The following CAMTA1 variants were observed in gnomAD, a reference collection of about 807,000 sequenced individuals.
CAMTA1 encodes calmodulin binding transcription activator 1.
A neutral mutation model predicts 170.9 loss-of-function variants in CAMTA1; 27 were observed. The observed-to-expected ratio is 0.16, with a 90% confidence interval of 0.12 to 0.22. CAMTA1 has a LOEUF of 0.22. Ranked by LOEUF, CAMTA1 falls within the 10% of genes least tolerant of loss-of-function variation. The pLI is 1.00. For missense variants in CAMTA1, 1,619 were observed against 2,217.2 expected (o/e 0.73, Z 5.42); for synonymous variants, 833 against 891.5 (o/e 0.93, Z 1.17).
chr1:7,156,710 C>T (rs1646907645), intron 4 of CAMTA1, among the ~76,000 whole-genome samples: 1 of 152,196 alleles, frequency 6.6e-6, no homozygotes, highest in Non-Finnish European at 1.5e-5. Context: ...TAACTTCTGT[C>T]CTTTTGACTG....
intron 11 of CAMTA1, among the ~76,000 whole-genome samples, chr1:7,728,935 C>T (rs1226732732): frequency 1.3e-5 from 2 of 152,142 alleles, no homozygotes; most frequent in African/African-American, 4.8e-5. Flanking sequence ...AGTTACCTCC[C>T]TGTGGGAAGT....
chr1:7,306,123 G>A (rs574355785), intron 5 of CAMTA1, among the ~76,000 whole-genome samples: 66 of 152,042 alleles, frequency 4.3e-4, no homozygotes, highest in Non-Finnish European at 2.8e-4. Flanking sequence ...TTACAATTTC[G>A]TTGAAGTCCT....
intron 6 of CAMTA1, among the ~76,000 whole-genome samples, chr1:7,631,587 C>T (rs546783133): frequency 1.3e-5 from 2 of 152,310 alleles, no homozygotes; most frequent in South Asian, 4.1e-4. Flanking sequence ...TGCTCCCACC[C>T]CTGAGTGGCC....
intron 3 of CAMTA1, among the ~76,000 whole-genome samples, chr1:6,953,394 T>C (rs1688853213): frequency 6.6e-6 from 1 of 152,236 alleles, no homozygotes; most frequent in South Asian, 2.1e-4. Flanking sequence ...GTCTTTGTTC[T>C]TTCTCGCCGC....
chr1:7,245,294 C>T (rs1162490273), intron 4 of CAMTA1, among the ~76,000 whole-genome samples: 2 of 150,032 alleles, frequency 1.3e-5, no homozygotes, highest in Non-Finnish European at 3.0e-5. Context: ...AATCTATAAG[C>T]CAATAGCATA....
At chr1:6,805,848 T>G (rs1405078582) in intron 1 of CAMTA1, among the ~76,000 whole-genome samples, 1 of 152,184 alleles carries the variant, frequency 6.6e-6, no homozygotes, top group Non-Finnish European at 1.5e-5. Flanking sequence ...AACAGAAGTT[T>G]TAAATTTGAT....
chr1:7,664,239 C>A lies in CAMTA1; in HGVS notation c.1692C>A (p.Ala564=). ...AVAASSLTLT[A]GSSLLPSGGG... is the part of the protein sequence containing the mutation. ...CAGCCAGCTCCCTCACCCTGACCGC[C>A]GGCTCCAGCCTCCTGCCGTCGGGCG... Residue 564 remains alanine (A), a synonymous_variant, in exon 9 of 23, where the codon GCC becomes GCA. Transcript: ENST00000303635. The A allele has an allele frequency of 1.2e-6, 2 of 1,612,670 alleles. No homozygotes were observed. The highest frequency in any genetic ancestry group is 1.7e-6 in the Non-Finnish European group (2 of 1,179,966).
At chr1:7,035,027 T>A (rs1176342201) in intron 3 of CAMTA1, among the ~76,000 whole-genome samples, 1 of 152,208 alleles carries the variant, frequency 6.6e-6, no homozygotes, top group Non-Finnish European at 1.5e-5. Context: ...ATACTTTAGA[T>A]TGCAGCAGAA....
Position 7,737,951 on chromosome 1 carries a change from C to A in CAMTA1, c.3659-8C>A. On this transcript the variant is annotated splice_region_variant and splice_polypyrimidine_tract_variant and intron_variant, in intron 15 of 22. Coordinates refer to ENST00000303635, the MANE Select transcript of CAMTA1 (RefSeq NM_015215.4). ...TGTCCTGACTATCCTTTCTACTGTA[C>A]TTTTCAGAGCTGAGAAGACCTCGTT... 1 of 1,591,446 alleles carries A rather than the reference C, an allele frequency of 6.3e-7. No individual in the cohort carries two copies. Among genetic ancestry groups the A allele is most frequent in the Non-Finnish European group, 8.6e-7 (1 of 1,166,262 alleles).
At chr1:7,584,063 G>T (rs751032927) in intron 6 of CAMTA1, among the ~76,000 whole-genome samples, 5 of 152,152 alleles carry the variant, frequency 3.3e-5, no homozygotes, top group Admixed American at 6.5e-5. Context: ...TTAGGGTGGG[G>T]ACTCTGCTAG....
At chr1:7,616,093 A>C (rs1178434876) in intron 6 of CAMTA1, among the ~76,000 whole-genome samples, 1 of 152,244 alleles carries the variant, frequency 6.6e-6, no homozygotes, top group East Asian at 1.9e-4. Context: ...AGCCAAATTT[A>C]ACTTGGATGA....
At chr1:7,110,207 G>GA (rs1359514999) in intron 4 of CAMTA1, among the ~76,000 whole-genome samples, 2 of 152,122 alleles carry the variant, frequency 1.3e-5, no homozygotes, top group Non-Finnish European at 2.9e-5. Flanking sequence ...CTGTTAACAA[G>GA]AAGCACAGCA....
chr1:7,364,435 T>A (rs1405487335), intron 5 of CAMTA1, among the ~76,000 whole-genome samples: 3 of 139,022 alleles, frequency 2.2e-5, no homozygotes, highest in Admixed American at 7.7e-5. Context: ...GCACACAGGT[T>A]CCCTTGTGAC....
intron 5 of CAMTA1, among the ~76,000 whole-genome samples, chr1:7,422,703 G>A (rs1158810953): frequency 6.6e-6 from 1 of 152,180 alleles, no homozygotes; most frequent in Admixed American, 6.5e-5. Flanking sequence ...GGCTGTGAAC[G>A]CTGCCTGTCA....
chr1:6,857,975 C>G (rs187834526), intron 3 of CAMTA1, among the ~76,000 whole-genome samples: 52 of 152,324 alleles, frequency 3.4e-4, no homozygotes, highest in African/African-American at 1.2e-3. Context: ...GTTTTACTCA[C>G]TGCTGCATCT....
intron 5 of CAMTA1, among the ~76,000 whole-genome samples, chr1:7,296,815 C>T (rs532194912): frequency 7.9e-5 from 12 of 151,884 alleles, no homozygotes; most frequent in Non-Finnish European, 7.4e-5. Flanking sequence ...GGATGACCAC[C>T]GAGAGAAAGA....
intron 4 of CAMTA1, among the ~76,000 whole-genome samples, chr1:7,124,817 G>T (rs900901942): frequency 2.6e-5 from 4 of 152,278 alleles, no homozygotes; most frequent in Admixed American, 2.6e-4. Context: ...CCCTCCCCAA[G>T]TTTTCTGCAA....
intron 3 of CAMTA1, among the ~76,000 whole-genome samples, chr1:6,962,066 T>C (rs540572200): frequency 1.8e-3 from 272 of 152,116 alleles, no homozygotes; most frequent in African/African-American, 5.8e-3. Context: ...CCTCGCGGTG[T>C]CCGTGGCGCG....
chr1:7,182,127 C>T (rs1652297378), intron 4 of CAMTA1, among the ~76,000 whole-genome samples: 1 of 152,060 alleles, frequency 6.6e-6, no homozygotes, highest in Admixed American at 6.5e-5. Flanking sequence ...CTTTTCAATA[C>T]ATTGTTCCGG....
Sources: allele counts gnomAD v4.1 joint callset (sites outside exome capture counted in the v4.1 genomes callset), GRCh38; gene constraint gnomAD v4.1.1; transcripts MANE v1.5; gene names NCBI Gene and HGNC (gene_info 2026-07-23, HGNC 2026-07-21).